AFG1L: variants seen among roughly 807,000 people sequenced by gnomAD.
The protein encoded by AFG1L is AFG1-like ATPase.
AFG1L carries 53 observed loss-of-function variants against 62.2 expected under a neutral mutation model. The ratio of observed to expected loss-of-function variants is 0.85; its 90% CI spans 0.68 to 1.07. The LOEUF is 1.07. AFG1L is among the 50% of genes least tolerant of loss of function. The probability of loss-of-function intolerance (pLI) is 0.00; values close to 1 mark genes in which losing one functional copy is unlikely to be tolerated. For synonymous variants in AFG1L, 228 were observed against 210.3 expected, an observed-to-expected ratio of 1.08 and a Z score of -0.73; for missense variants, 555 against 590.5, an observed-to-expected ratio of 0.94 and a Z score of 0.62.
intron 8 of AFG1L, among the ~76,000 whole-genome samples, chr6:108,456,777 A>G (rs567339137): frequency 2.8e-4 from 42 of 152,190 alleles, no homozygotes; most frequent in Non-Finnish European, 5.1e-4. Context: ...ATGATGGACC[A>G]TAGCATAGAT....
At chr6:108,454,431 TC>T (rs1204160903) in intron 8 of AFG1L, among the ~76,000 whole-genome samples, 1 of 152,164 alleles carries the variant, frequency 6.6e-6, no homozygotes, top group Non-Finnish European at 1.5e-5. Flanking sequence ...AAGATAAGGA[TC>T]CCATTAGATC....
chr6:108,476,765 C>CTTTTTTTTT, intron 8 of AFG1L, 100 bp from the exon 9 acceptor site: 2 of 745,956 alleles, frequency 2.7e-6, no homozygotes, highest in South Asian at 1.7e-5. Context: ...ACATCCTGTT[C>CTTTTTTTTT]TTTTTTTTTA....
At chr6:108,412,436 G>A (rs1782160118) in intron 7 of AFG1L, among the ~76,000 whole-genome samples, 1 of 152,152 alleles carries the variant, frequency 6.6e-6, no homozygotes, top group African/African-American at 2.4e-5. Flanking sequence ...TACTCCTCGA[G>A]AAGAGCAACT....
intron 7 of AFG1L, among the ~76,000 whole-genome samples, chr6:108,405,769 TAA>T (rs1781824670): frequency 6.6e-6 from 1 of 152,358 alleles, no homozygotes; most frequent in African/African-American, 2.4e-5. Context: ...CTGTACTCAC[TAA>T]ATGATAACCA....
At chr6:108,421,422 T>A (rs1770583064) in intron 7 of AFG1L, among the ~76,000 whole-genome samples, 1 of 152,092 alleles carries the variant, frequency 6.6e-6, no homozygotes, top group South Asian at 2.1e-4. Flanking sequence ...CCGAAGCTGG[T>A]CAGAAAAGGG....
At chr6:108,321,689 C>T (rs1372131754) in intron 1 of AFG1L, among the ~76,000 whole-genome samples, 1 of 152,192 alleles carries the variant, frequency 6.6e-6, no homozygotes, top group Admixed American at 6.5e-5. Flanking sequence ...TTTAGGAACT[C>T]TCAACCTGCA....
intron 1 of AFG1L, among the ~76,000 whole-genome samples, chr6:108,314,487 C>T (rs1777519877): frequency 6.6e-6 from 1 of 151,694 alleles, no homozygotes; most frequent in Admixed American, 6.6e-5. Context: ...ACCTCCACCT[C>T]CCAGGTTCAA....
intron 7 of AFG1L, among the ~76,000 whole-genome samples, chr6:108,408,841 T>C (rs1781977620): frequency 6.6e-6 from 1 of 152,154 alleles, no homozygotes; most frequent in African/African-American, 2.4e-5. Context: ...TTTCTTTTTT[T>C]TTAGTAATTT....
intron 7 of AFG1L, among the ~76,000 whole-genome samples, chr6:108,407,590 C>G (rs975563272): frequency 2.0e-5 from 3 of 151,852 alleles, no homozygotes; most frequent in African/African-American, 7.3e-5. Context: ...GAAGCTGAGG[C>G]AGGAGGCTCA....
intron 2 of AFG1L, chr6:108,344,716 C>A (rs1778800870): frequency 2.1e-6 from 1 of 470,630 alleles, no homozygotes; most frequent in Non-Finnish European, 4.4e-6. Flanking sequence ...TCACTTTTTT[C>A]TGTTTTACCC....
chr6:108,431,198 G>A (rs7738616), intron 7 of AFG1L, among the ~76,000 whole-genome samples: 2,208 of 152,094 alleles, frequency 0.015, 58 homozygotes, highest in African/African-American at 0.05. Flanking sequence ...CCGCCTCCCA[G>A]GTTCAAGCGC....
intron 6 of AFG1L, among the ~76,000 whole-genome samples, chr6:108,367,444 GTGAGA>G (rs917566145): frequency 3.3e-5 from 5 of 152,140 alleles, no homozygotes; most frequent in Non-Finnish European, 7.4e-5. Context: ...CAGTAAAGTG[GTGAGA>G]AGAGGGCAGG....
At chr6:108,386,821 T>G (rs1376971456) in intron 6 of AFG1L, among the ~76,000 whole-genome samples, 1 of 152,154 alleles carries the variant, frequency 6.6e-6, no homozygotes, top group African/African-American at 2.4e-5. Flanking sequence ...TTTTTTGAAG[T>G]GATATGATAT....
chr6:108,370,968 T>C (rs1039479328), intron 6 of AFG1L, among the ~76,000 whole-genome samples: 1 of 152,014 alleles, frequency 6.6e-6, no homozygotes, highest in African/African-American at 2.4e-5. Context: ...GTGGAGTGTC[T>C]TGGAAGGTCT....
intron 2 of AFG1L, among the ~76,000 whole-genome samples, chr6:108,340,786 C>T (rs959652208): frequency 6.6e-6 from 1 of 152,070 alleles, no homozygotes; most frequent in African/African-American, 2.4e-5. Flanking sequence ...GAATCGTTTT[C>T]CTTTGTAACA....
intron 6 of AFG1L, among the ~76,000 whole-genome samples, chr6:108,385,242 C>T (rs1385245548): frequency 6.6e-6 from 1 of 152,232 alleles, no homozygotes; most frequent in Admixed American, 6.5e-5. Flanking sequence ...CAAAACTGGC[C>T]ATAAACAAAA....
At chr6:108,501,630 T>A (rs1316540219) in intron 10 of AFG1L, among the ~76,000 whole-genome samples, 1 of 152,214 alleles carries the variant, frequency 6.6e-6, no homozygotes, top group African/African-American at 2.4e-5. Flanking sequence ...TCTATTCACC[T>A]GCAGATGAGG....
intron 7 of AFG1L, among the ~76,000 whole-genome samples, chr6:108,445,315 C>CT (rs1554198740): frequency 6.6e-6 from 1 of 152,188 alleles, no homozygotes; most frequent in Non-Finnish European, 1.5e-5. Flanking sequence ...ATCACTCAAA[C>CT]TTTTCTCCAT....
intron 6 of AFG1L, among the ~76,000 whole-genome samples, chr6:108,381,904 G>A (rs985768187): frequency 6.6e-6 from 1 of 151,902 alleles, no homozygotes. Flanking sequence ...TGCTTCTTTG[G>A]CAGATTAACA....
Sources: allele counts gnomAD v4.1 joint callset (sites outside exome capture counted in the v4.1 genomes callset), GRCh38; gene constraint gnomAD v4.1.1; transcripts MANE v1.5; gene names NCBI Gene and HGNC (gene_info 2026-07-23, HGNC 2026-07-21).